Variants in LILRB4 observed in about 807,000 individuals in gnomAD.
The protein encoded by LILRB4 is leukocyte immunoglobulin like receptor B4.
LILRB4 carries 49 observed loss-of-function variants against 55.2 expected under a neutral mutation model. The ratio of observed to expected loss-of-function variants is 0.89; its 90% CI spans 0.71 to 1.13. The LOEUF is 1.13. Ranked by LOEUF, LILRB4 falls within the 50% of genes most tolerant of loss-of-function variation. The probability of loss-of-function intolerance (pLI) is 0.00; values close to 1 mark genes in which losing one functional copy is unlikely to be tolerated. For missense variants in LILRB4, 590 were observed against 555.2 expected, an observed-to-expected ratio of 1.06 and a Z score of -0.63; for synonymous variants, 229 against 213.8, an observed-to-expected ratio of 1.07 and a Z score of -0.62.
In LILRB4 at chr19:54,665,814, G is replaced by A. The variant is rs1385447829; in HGVS notation, c.758-1G>A. On this transcript the variant is annotated splice_acceptor_variant, in intron 6 of 11. Transcript: ENST00000430952. LOFTEE classifies it high-confidence loss of function. The surrounding 1 kb of genome is among the most constrained non-coding windows in gnomAD (Gnocchi z 5.5). ...CCATTCCTGATGTCATCACGCCCAAGGTCTGAGAAGGCACTGGGAGGTACT... is the reference window on the plus strand; with the variant it reads ...CCATTCCTGATGTCATCACGCCCAAAGTCTGAGAAGGCACTGGGAGGTACT... 4 of 1,602,000 alleles carry A rather than the reference G, an allele frequency of 2.5e-6. No homozygotes were observed. Among genetic ancestry groups the A allele is most frequent in the Non-Finnish European group, 3.4e-6 (4 of 1,174,506 alleles).
chr19:54,666,689 C>T lies in LILRB4; in HGVS notation c.989-8C>T, dbSNP rs1617582. On this transcript the variant is annotated splice_polypyrimidine_tract_variant and splice_region_variant and intron_variant, in intron 9 of 11. Coordinates refer to ENST00000430952, the Ensembl canonical transcript of LILRB4. The surrounding 1 kb of genome is among the most constrained non-coding windows in gnomAD (Gnocchi z 4.8). ...CCAGGAGATGAACCCCTTGCTCTACCCCAGCAGGTGCTGCCGTGAAGAACA... is the reference window on the plus strand; with the variant it reads ...CCAGGAGATGAACCCCTTGCTCTACTCCAGCAGGTGCTGCCGTGAAGAACA... The T allele has an allele frequency of 0.048, 77,492 of 1,613,652 alleles. 2,179 individuals carry two copies. The highest frequency in any genetic ancestry group is 0.056 in the Non-Finnish European group (65,656 of 1,179,572).
At chr19:54,663,790 G>T (rs562346371) in exon 3 of LILRB4, 118 of 1,614,032 alleles carry the variant, frequency 7.3e-5, no homozygotes, top group Non-Finnish European at 9.7e-5. Flanking sequence ...GCTGAGCCAG[G>T]CTCTGTGATC....
rs779853436 is a variant in LILRB4 at position 54,665,847 on chromosome 19, G to A, written c.790G>A (p.Val264Ile). The change falls in exon 7 of 12, where the codon GTC becomes ATC. Residue 264 changes from valine to isoleucine, a missense_variant. Val to Ile is a conservative substitution (Grantham distance 29, BLOSUM62 3). Coordinates refer to ENST00000430952, the Ensembl canonical transcript of LILRB4. The surrounding 1 kb of genome is among the most constrained non-coding windows in gnomAD (Gnocchi z 5.5). ...AAGGCACTGGGAGGTACTGATCGGG[G>A]TCTTGGTGGTCTCCATCCTGCTTCT... 3 of 1,613,028 alleles carry A rather than the reference G, an allele frequency of 1.9e-6. No homozygotes were observed. In the South Asian group the frequency reaches 3.3e-5, roughly 18 times the overall value.
intron 1 of LILRB4, 57 bp downstream of exon 1, chr19:54,663,124 G>C: frequency 6.3e-7 from 1 of 1,579,300 alleles, no homozygotes; most frequent in Non-Finnish European, 8.6e-7. Flanking sequence ...TTGCCTCACA[G>C]CCAGGCCCTG....
At chr19:54,667,829 C>G in intron 11 of LILRB4, 36 bp downstream of exon 11, 1 of 1,610,254 alleles carries the variant, frequency 6.2e-7, no homozygotes, top group African/African-American at 1.4e-5. Flanking sequence ...CAGGCCTCCC[C>G]CACCCCCACC....
At position 54,665,674 on chromosome 19, in the gene LILRB4, G is replaced by C; in HGVS notation, c.758-141G>C. 1.1e-5 allele frequency: 11 copies of C among 1,039,828 alleles called. No homozygotes were observed. The highest frequency in any genetic ancestry group is 1.5e-5 in the Non-Finnish European group (10 of 683,264). The allele number at this position is 1,039,828 out of a possible 1,614,324, so 64.4% of individuals were successfully genotyped here. The stretch of plus-strand genomic sequence containing the variant: ...TGTGCATCTGTGAAATGGGTGGAGA[G>C]AGGGTGGCAATCTCAGGTTGCACAA... On this transcript the variant is annotated intron_variant, in intron 6 of 11. Coordinates refer to ENST00000430952, the Ensembl canonical transcript of LILRB4. This position sits in a 1 kb window ranked among gnomAD's most constrained non-coding sequence, Gnocchi z 5.5.
chr19:54,664,285 C>T, exon 4 of LILRB4: 1 of 1,614,094 alleles, frequency 6.2e-7, no homozygotes, highest in South Asian at 1.1e-5. Flanking sequence ...CCAATGGACA[C>T]TTTTCTTCTG....
rs535003944 is a variant in LILRB4, at chr19:54,665,429, G to A, written c.757+249G>A. The stretch of plus-strand genomic sequence containing the variant: ...ACCTCCCAGACCCGATTCCGCAGGG[G>A]CCTGTCCGGTCCCACCTGCAGCAGA... On this transcript the variant is annotated intron_variant, in intron 6 of 11. Transcript: ENST00000430952. This position sits in a 1 kb window ranked among gnomAD's most constrained non-coding sequence, Gnocchi z 5.5. 6.6e-6 allele frequency among the ~76,000 whole-genome samples: 1 copy of A among 152,216 alleles called. No individual in the cohort carries two copies. Among genetic ancestry groups the A allele is most frequent in the East Asian group, 1.9e-4 (1 of 5,162 alleles).
In LILRB4 at chr19:54,665,442, C is replaced by T. The variant is rs1568644260; in HGVS notation, c.757+262C>T. Among the ~76,000 whole-genome samples, 1 of 151,932 alleles carries T rather than the reference C, an allele frequency of 6.6e-6. No homozygotes were observed. The highest frequency in any genetic ancestry group is 1.5e-5 in the Non-Finnish European group (1 of 67,960). On this transcript the variant is annotated intron_variant, in intron 6 of 11. Coordinates refer to ENST00000430952, the Ensembl canonical transcript of LILRB4. The surrounding 1 kb of genome is among the most constrained non-coding windows in gnomAD (Gnocchi z 5.5). ...GATTCCGCAGGGGCCTGTCCGGTCC[C>T]ACCTGCAGCAGAGACGGTGACCTGG...
Position 54,666,012 on chromosome 19 carries a change from G to T in LILRB4, c.874+81G>T, listed in dbSNP as rs1433925821. 3.9e-6 allele frequency: 6 copies of T among 1,546,206 alleles called. No homozygotes were observed. The African/African-American group carries it at 8.3e-5, about 21-fold the overall frequency. The stretch of plus-strand genomic sequence containing the variant: ...GCCAAAGGGACTCCAGATAGGAGAG[G>T]TCATCTTAGAAACTCTGCTCCAGAA... On this transcript the variant is annotated intron_variant, in intron 7 of 11. Coordinates refer to ENST00000430952, the Ensembl canonical transcript of LILRB4. This position sits in a 1 kb window ranked among gnomAD's most constrained non-coding sequence, Gnocchi z 4.8.
Position 54,665,110 on chromosome 19 carries a change from A to G in LILRB4, c.707-20A>G, listed in dbSNP as rs368100108. The G allele has an allele frequency of 9.3e-6, 15 of 1,610,602 alleles. No homozygotes were observed. The African/African-American group carries it at 1.6e-4, about 17-fold the overall frequency. ...GGGGAGCAGGGCAGCCCCAGCCCTC[A>G]CATCCCTGTTCTAACCCAGCAGGCC... On this transcript the variant is annotated intron_variant, in intron 5 of 11. Coordinates refer to ENST00000430952, the Ensembl canonical transcript of LILRB4. The surrounding 1 kb of genome is among the most constrained non-coding windows in gnomAD (Gnocchi z 5.5).
Position 54,666,836 on chromosome 19 carries a change from C to G in LILRB4, c.1041+87C>G, listed in dbSNP as rs1275147482. 1 of 1,303,324 alleles carries G rather than the reference C, an allele frequency of 7.7e-7. No individual in the cohort carries two copies. Among genetic ancestry groups the G allele is most frequent in the African/African-American group, 1.5e-5 (1 of 68,882 alleles). 80.7% of individuals were successfully genotyped at this position (1,303,324 alleles called of 1,614,324 possible). A position where few individuals can be genotyped will look rare whatever the true frequency, so the allele number is the denominator to read the frequency against. On this transcript the variant is annotated intron_variant, in intron 10 of 11. Coordinates refer to ENST00000430952, the Ensembl canonical transcript of LILRB4. This position sits in a 1 kb window ranked among gnomAD's most constrained non-coding sequence, Gnocchi z 4.8. ...GACTTCTCTGTCCTCCTTCCCCCGG[C>G]TCTCAGCATCGTCACGGTGGACCCC...
At chr19:54,668,197 A>C in exon 12 of LILRB4, 1 of 652,304 alleles carries the variant, frequency 1.5e-6, no homozygotes, top group East Asian at 2.7e-5. Context: ...ATATCCCTGC[A>C]TTATCAAAAT....
Position 54,665,822 on chromosome 19 carries a change from A to G in LILRB4, c.765A>G (p.Arg255=), listed in dbSNP as rs766605255. 5.0e-6 allele frequency: 8 copies of G among 1,606,408 alleles called. No individual in the cohort carries two copies. Among genetic ancestry groups the G allele is most frequent in the Non-Finnish European group, 6.8e-6 (8 of 1,176,672 alleles). The change falls in exon 7 of 12, where the codon AGA becomes AGG. Residue 255 remains arginine (R), a synonymous_variant. Transcript: ENST00000430952. The surrounding 1 kb of genome is among the most constrained non-coding windows in gnomAD (Gnocchi z 5.5). ...GATGTCATCACGCCCAAGGTCTGAG[A>G]AGGCACTGGGAGGTACTGATCGGGG...
rs929469429 is a variant in LILRB4, at chr19:54,664,604, A to T, written c.655+119A>T. ...TCAGCCAGTGGGGGACTCAGCCCTC[A>T]GAGGGGAGGAGGACAACAGGGGCCC... On this transcript the variant is annotated intron_variant, in intron 4 of 11. Transcript: ENST00000430952. The T allele has an allele frequency of 9.4e-6, 11 of 1,170,434 alleles. No individual in the cohort carries two copies. The African/African-American group carries it at 1.7e-4, about 18-fold the overall frequency. The allele number at this position is 1,170,434 out of a possible 1,614,324, so 72.5% of individuals were successfully genotyped here.
intron 2 of LILRB4, 75 bp from the exon 3 acceptor site, chr19:54,663,679 G>A (rs1568638537): frequency 1.2e-5 from 19 of 1,608,086 alleles, no homozygotes; most frequent in Middle Eastern, 1.9e-4. Flanking sequence ...AGGATGACGG[G>A]GGGGTCCTGG....
At position 54,666,562 on chromosome 19, in the gene LILRB4, A is replaced by T. The variant is rs1270695566; in HGVS notation, c.988+126A>T. The T allele has an allele frequency of 7.0e-7, 1 of 1,434,236 alleles. No individual in the cohort carries two copies. The highest frequency in any genetic ancestry group is 9.7e-7 in the Non-Finnish European group (1 of 1,030,552). The allele number at this position is 1,434,236 out of a possible 1,614,324, so 88.8% of individuals were successfully genotyped here. On this transcript the variant is annotated intron_variant, in intron 9 of 11. Coordinates refer to ENST00000430952, the Ensembl canonical transcript of LILRB4. This position sits in a 1 kb window ranked among gnomAD's most constrained non-coding sequence, Gnocchi z 4.8. Reference sequence around the variant, plus strand: ...TCAGGGAGAAGTGGTCTGAACCCACATTGTGGGACCTCGGGGACATCACAG... The same window carrying T: ...TCAGGGAGAAGTGGTCTGAACCCACTTTGTGGGACCTCGGGGACATCACAG...
chr19:54,665,090 G>A lies in LILRB4; in HGVS notation c.707-40G>A, dbSNP rs746635141. 1.9e-6 allele frequency: 3 copies of A among 1,603,634 alleles called. No individual in the cohort carries two copies. Among genetic ancestry groups the A allele is most frequent in the Middle Eastern group, 1.7e-4 (1 of 5,758 alleles). On this transcript the variant is annotated intron_variant, in intron 5 of 11. Coordinates refer to ENST00000430952, the Ensembl canonical transcript of LILRB4. The surrounding 1 kb of genome is among the most constrained non-coding windows in gnomAD (Gnocchi z 5.5). ...GGGAGAAGCCGAGCTGATGTGGGGA[G>A]CAGGGCAGCCCCAGCCCTCACATCC... is the stretch of plus-strand genomic sequence containing the variant.
In LILRB4 at chr19:54,665,114, C is replaced by T. The variant is rs1480024533; in HGVS notation, c.707-16C>T. 1 of 1,610,008 alleles carries T rather than the reference C, an allele frequency of 6.2e-7. No homozygotes were observed. Among genetic ancestry groups the T allele is most frequent in the Non-Finnish European group, 8.5e-7 (1 of 1,177,940 alleles). ...AGCAGGGCAGCCCCAGCCCTCACATCCCTGTTCTAACCCAGCAGGCCCTGA... is the reference window on the plus strand; with the variant it reads ...AGCAGGGCAGCCCCAGCCCTCACATTCCTGTTCTAACCCAGCAGGCCCTGA... On this transcript the variant is annotated splice_polypyrimidine_tract_variant and intron_variant, in intron 5 of 11. Transcript: ENST00000430952. The surrounding 1 kb of genome is among the most constrained non-coding windows in gnomAD (Gnocchi z 5.5).
Sources: allele counts gnomAD v4.1 joint callset (sites outside exome capture counted in the v4.1 genomes callset), GRCh38; gene constraint gnomAD v4.1.1; non-coding constraint Gnocchi (gnomAD v3.1); transcripts MANE v1.5; gene names NCBI Gene and HGNC (gene_info 2026-07-23, HGNC 2026-07-21).